Variants in SPAG17 observed in about 807,000 individuals in gnomAD.
SPAG17 encodes sperm-associated antigen 17.
Under a neutral mutation model 273.6 loss-of-function variants are expected in SPAG17, and 169 were observed. That is an observed-to-expected ratio of 0.62 (90% CI 0.55 to 0.70). SPAG17 has a LOEUF of 0.70. Among genes scored for constraint, SPAG17 ranks in the 30% least tolerant of loss-of-function variants. The pLI, the probability that SPAG17 is intolerant of heterozygous loss-of-function variation, is 0.00. For synonymous variants in SPAG17, 825 were observed against 873.2 expected, an observed-to-expected ratio of 0.94 and a Z score of 0.97; for missense variants, 2,557 against 2,627.8, an observed-to-expected ratio of 0.97 and a Z score of 0.59.
At chr1:118,072,408 G>A (rs758394577) in intron 17 of SPAG17, among the ~76,000 whole-genome samples, 4 of 152,168 alleles carry the variant, frequency 2.6e-5, no homozygotes, top group Non-Finnish European at 5.9e-5. Context: ...AAGGGAATGG[G>A]TGTGGCCCGG....
chr1:117,988,087 A>G lies in SPAG17; in HGVS notation c.5621+18T>C, dbSNP rs1320303483. 4 of 1,578,820 alleles carry G rather than the reference A, an allele frequency of 2.5e-6. No homozygotes were observed. The African/African-American group carries it at 4.1e-5, about 16-fold the overall frequency. On this transcript the variant is annotated intron_variant, in intron 39 of 48. Transcript: ENST00000336338. ...GCATACCTAATACTAATTAGAACACATTATTGGATTAGCTTACCTCCATGT... is the reference window on the plus strand; with the variant it reads ...GCATACCTAATACTAATTAGAACACGTTATTGGATTAGCTTACCTCCATGT...
chr1:118,039,449 G>C lies in SPAG17; in HGVS notation c.3167-5C>G, dbSNP rs746496961. On this transcript the variant is annotated splice_region_variant and splice_polypyrimidine_tract_variant and intron_variant, in intron 22 of 48. Coordinates refer to ENST00000336338, the MANE Select transcript of SPAG17 (RefSeq NM_206996.4). The stretch of plus-strand genomic sequence containing the variant: ...TCACTTTGATAAAAGTTGGGCCTGA[G>C]GAGGAACCATAGAATAGAAGATGGG... 2 of 1,612,940 alleles carry C rather than the reference G, an allele frequency of 1.2e-6. No homozygotes were observed. Among genetic ancestry groups the C allele is most frequent in the South Asian group, 1.1e-5 (1 of 90,990 alleles).
chr1:118,003,054 G>A (rs912522525), intron 32 of SPAG17, among the ~76,000 whole-genome samples: 1 of 152,152 alleles, frequency 6.6e-6, no homozygotes, highest in African/African-American at 2.4e-5. Flanking sequence ...TTGCTTGTCT[G>A]TAAAGGATTT....
Position 117,972,035 on chromosome 1 carries a change from C to A in SPAG17, c.6154G>T (p.Val2052Phe), listed in dbSNP as rs1336604383. Residue 2052 changes from valine (V) to phenylalanine (F), a missense_variant, in exon 45 of 49, where the codon GTT becomes TTT. By Grantham distance (50) the Val-to-Phe change is conservative (BLOSUM62 -1). Transcript: ENST00000336338. Reference sequence around the variant, plus strand: ...GAGGATGTGTTCACTTTTCCTCCAACAGAATCTTGCACCTTTGCATTAAGA... The same window carrying A: ...GAGGATGTGTTCACTTTTCCTCCAAAAGAATCTTGCACCTTTGCATTAAGA... ...SQPLAKVQDS[V>F]GGKVNTSSVA... The A allele has an allele frequency of 6.2e-7, 1 of 1,612,494 alleles. No homozygotes were observed. Among genetic ancestry groups the A allele is most frequent in the Non-Finnish European group, 8.5e-7 (1 of 1,179,282 alleles).
At chr1:118,130,449 G>T (rs1430690348) in intron 3 of SPAG17, among the ~76,000 whole-genome samples, 2 of 152,166 alleles carry the variant, frequency 1.3e-5, no homozygotes, top group African/African-American at 2.4e-5. Context: ...TGACACTGGG[G>T]TGACCAACTC....
intron 32 of SPAG17, among the ~76,000 whole-genome samples, chr1:117,998,626 A>G (rs1010712073): frequency 6.6e-6 from 1 of 152,090 alleles, no homozygotes; most frequent in African/African-American, 2.4e-5. Context: ...ATAGTCTTGA[A>G]TCTGTAAATT....
chr1:118,082,046 G>T (rs888980631), intron 13 of SPAG17, among the ~76,000 whole-genome samples: 1 of 152,094 alleles, frequency 6.6e-6, no homozygotes, highest in Non-Finnish European at 1.5e-5. Context: ...CCTAATATAG[G>T]CTATTATATT....
At chr1:118,043,368 G>T (rs1203199484) in intron 20 of SPAG17, among the ~76,000 whole-genome samples, 2 of 152,098 alleles carry the variant, frequency 1.3e-5, no homozygotes, top group Non-Finnish European at 2.9e-5. Flanking sequence ...AGAGATTATT[G>T]TTAAATTTTT....
At chr1:118,068,503 G>T (rs1404091741) in intron 17 of SPAG17, among the ~76,000 whole-genome samples, 1 of 151,920 alleles carries the variant, frequency 6.6e-6, no homozygotes, top group Non-Finnish European at 1.5e-5. Context: ...GAAATCTTTG[G>T]GTTTTCATAT....
At chr1:118,072,708 T>C (rs981699907) in intron 17 of SPAG17, among the ~76,000 whole-genome samples, 1 of 152,116 alleles carries the variant, frequency 6.6e-6, no homozygotes, top group Non-Finnish European at 1.5e-5. Flanking sequence ...CTTACATAAC[T>C]GAAATAAAGT....
chr1:118,125,627 TTATC>T (rs1432062279), intron 3 of SPAG17, among the ~76,000 whole-genome samples: 1 of 152,242 alleles, frequency 6.6e-6, no homozygotes, highest in African/African-American at 2.4e-5. Context: ...CATGTGGTAT[TTATC>T]TGTCTGTGTC....
intron 47 of SPAG17, chr1:117,966,003 CAAAT>C (rs1285476402): frequency 5.3e-5 from 8 of 152,234 alleles, no homozygotes; most frequent in African/African-American, 9.6e-5. Flanking sequence ...GCTCAAAAAT[CAAAT>C]AAATAGAGAA....
chr1:118,039,990 G>A (rs1649547092), intron 22 of SPAG17, among the ~76,000 whole-genome samples: 1 of 152,100 alleles, frequency 6.6e-6, no homozygotes, highest in Non-Finnish European at 1.5e-5. Context: ...GGCAATGTAT[G>A]CCTATAATCA....
At chr1:118,087,064 T>A in intron 10 of SPAG17, 56 bp from the exon 11 acceptor site, 1 of 1,504,482 alleles carries the variant, frequency 6.6e-7, no homozygotes, top group Non-Finnish European at 8.9e-7. Flanking sequence ...TTAGTGATAC[T>A]CACTGCTCAT....
chr1:118,141,419 G>A (rs1474563842), intron 3 of SPAG17, among the ~76,000 whole-genome samples: 1 of 152,188 alleles, frequency 6.6e-6, no homozygotes, highest in Non-Finnish European at 1.5e-5. Flanking sequence ...TCTGTCCGAA[G>A]CACAGTGTTG....
intron 3 of SPAG17, among the ~76,000 whole-genome samples, chr1:118,141,926 C>A (rs1239039330): frequency 1.3e-5 from 2 of 152,160 alleles, no homozygotes; most frequent in African/African-American, 4.8e-5. Flanking sequence ...TGGGACACTG[C>A]AAATATCCTT....
intron 4 of SPAG17, among the ~76,000 whole-genome samples, chr1:118,108,411 G>T (rs2102238361): frequency 6.6e-6 from 1 of 152,242 alleles, no homozygotes; most frequent in East Asian, 1.9e-4. Context: ...AAATCTGGGA[G>T]TGGGAATGGA....
At chr1:117,969,925 T>C in intron 46 of SPAG17, 131 bp downstream of exon 46, 1 of 783,456 alleles carries the variant, frequency 1.3e-6, no homozygotes, top group Non-Finnish European at 2.1e-6. Flanking sequence ...CTTATGATAT[T>C]AAAAACAGTA....
chr1:118,039,263 A>C (rs200216501), intron 23 of SPAG17, 29 bp downstream of exon 23: 10 of 1,605,364 alleles, frequency 6.2e-6, no homozygotes, highest in Non-Finnish European at 8.5e-6. Flanking sequence ...TATTAGTCAG[A>C]AGAAAGAAAC....
Sources: allele counts gnomAD v4.1 joint callset (sites outside exome capture counted in the v4.1 genomes callset), GRCh38; gene constraint gnomAD v4.1.1; transcripts MANE v1.5; gene names NCBI Gene and HGNC (gene_info 2026-07-23, HGNC 2026-07-21).